Variants in LRP2 observed in about 807,000 individuals in gnomAD.
LRP2 encodes the protein LDL receptor related protein 2.
In LRP2, 172 loss-of-function variants were observed where a neutral mutation model predicts 531.0. The ratio of observed to expected loss-of-function variants is 0.32; its 90% CI spans 0.29 to 0.37. The LOEUF (loss-of-function observed/expected upper bound fraction) is 0.37, where lower values mean the gene tolerates loss of function less well. Among genes scored for constraint, LRP2 ranks in the 10% least tolerant of loss-of-function variants. The pLI is 1.00. For synonymous variants in LRP2, 1,992 were observed against 2,027.6 expected, an observed-to-expected ratio of 0.98 and a Z score of 0.47; for missense variants, 5,167 against 5,868.3, an observed-to-expected ratio of 0.88 and a Z score of 3.90.
intron 6 of LRP2, among the ~76,000 whole-genome samples, chr2:169,293,391 T>G (rs1050358332): frequency 6.6e-6 from 1 of 152,122 alleles, no homozygotes; most frequent in Non-Finnish European, 1.5e-5. Context: ...ACTGAAACTT[T>G]CAGGCTGGGC....
intron 53 of LRP2, among the ~76,000 whole-genome samples, chr2:169,177,420 T>TTATTTAG: frequency 6.6e-6 from 1 of 152,216 alleles, no homozygotes; most frequent in East Asian, 1.9e-4. Context: ...TCATATGCAT[T>TTATTTAG]TATTTAGTAT....
rs752055947 is a variant in LRP2, at chr2:169,174,120, G to A, written c.10813C>T (p.Arg3605Cys). The change falls in exon 56 of 79, where the codon CGT (arginine) becomes TGT (cysteine). Residue 3605 changes from arginine to cysteine, a missense_variant. Arg to Cys is a radical substitution (Grantham distance 180, BLOSUM62 -3). Around this residue, in one of 6 missense-constraint regions of LRP2, gnomAD observed 311 missense variants for 309.4 expected, o/e 1.01. Coordinates refer to ENST00000649046, the MANE Select transcript of LRP2 (RefSeq NM_004525.3). Reference sequence around the variant, plus strand: ...CACTGCCAGGATTCTGGGATGCAACGTTTGTTGGCGCACTGCCATTCATTG... The same window carrying A: ...CACTGCCAGGATTCTGGGATGCAACATTTGTTGGCGCACTGCCATTCATTG... ...DSNEWQCANKRCIPESWQCDT... is the reference protein window; with the variant it reads ...DSNEWQCANKCCIPESWQCDT... 6.8e-6 allele frequency: 11 copies of A among 1,614,214 alleles called. No homozygotes were observed. Among genetic ancestry groups the A allele is most frequent in the Admixed American group, 1.7e-5 (1 of 60,032 alleles).
chr2:169,158,417 A>G (rs2105364895), intron 63 of LRP2, among the ~76,000 whole-genome samples: 1 of 152,232 alleles, frequency 6.6e-6, no homozygotes, highest in East Asian at 1.9e-4. Context: ...AGTATAAAAA[A>G]ACTAAGACAT....
intron 1 of LRP2, among the ~76,000 whole-genome samples, chr2:169,334,433 T>A (rs535901738): frequency 3.8e-4 from 58 of 152,338 alleles, no homozygotes; most frequent in Middle Eastern, 3.4e-3. Flanking sequence ...AGTGGCCATC[T>A]CAATTCTGGG....
Position 169,145,888 on chromosome 2 carries a change from G to T in LRP2, c.12847C>A (p.Gln4283Lys). Residue 4283 changes from glutamine (Q) to lysine (K), a missense_variant, in exon 70 of 79, where the codon CAG becomes AAG. Around this residue, in one of 6 missense-constraint regions of LRP2, gnomAD observed 564 missense variants for 747.7 expected, o/e 0.75. Transcript: ENST00000649046. ...NPYSLDIFED[Q>K]LYWISKEKGE... Reference sequence around the variant, plus strand: ...TTTTCCTTAGATATCCAGTATAACTGGTCTTCAAAGATGTCCAGGCTGTAA... The same window carrying T: ...TTTTCCTTAGATATCCAGTATAACTTGTCTTCAAAGATGTCCAGGCTGTAA... The T allele has an allele frequency of 1.9e-6, 3 of 1,613,954 alleles. No homozygotes were observed. Among genetic ancestry groups the T allele is most frequent in the Non-Finnish European group, 2.5e-6 (3 of 1,179,970 alleles).
chr2:169,329,880 G>T (rs1403905929), intron 1 of LRP2, among the ~76,000 whole-genome samples: 1 of 152,224 alleles, frequency 6.6e-6, no homozygotes, highest in Non-Finnish European at 1.5e-5. Flanking sequence ...TAGGAACCAG[G>T]CTACACAGCA....
Position 169,213,642 on chromosome 2 carries a change from G to T in LRP2, c.6040+15C>A. The T allele has an allele frequency of 6.3e-7, 1 of 1,593,110 alleles. No individual in the cohort carries two copies. The highest frequency in any genetic ancestry group is 2.2e-4 in the Middle Eastern group (1 of 4,650). Reference sequence around the variant, plus strand: ...ATTATACACCCATGAATGTATTTCAGTGACAAATACTTACTGCGTCTGTGA... The same window carrying T: ...ATTATACACCCATGAATGTATTTCATTGACAAATACTTACTGCGTCTGTGA... On this transcript the variant is annotated intron_variant, in intron 36 of 78. Coordinates refer to ENST00000649046, the MANE Select transcript of LRP2 (RefSeq NM_004525.3).
Position 169,233,606 on chromosome 2 carries a change from A to C in LRP2, c.4921-18T>G, listed in dbSNP as rs773755754. 1 of 1,613,224 alleles carries C rather than the reference A, an allele frequency of 6.2e-7. No homozygotes were observed. The highest frequency in any genetic ancestry group is 2.2e-5 in the East Asian group (1 of 44,866). On this transcript the variant is annotated intron_variant, in intron 29 of 78. Coordinates refer to ENST00000649046, the MANE Select transcript of LRP2 (RefSeq NM_004525.3). ...CGTATAATCTGTGAGGCAGAAGAGA[A>C]CAGTGAGACCTCATCCAAAAATCAA...
At chr2:169,295,756 G>C (rs1684120504) in intron 4 of LRP2, among the ~76,000 whole-genome samples, 1 of 152,120 alleles carries the variant, frequency 6.6e-6, no homozygotes, top group Admixed American at 6.6e-5. Flanking sequence ...ATTTATCACA[G>C]GTGAACATTT....
intron 35 of LRP2, among the ~76,000 whole-genome samples, chr2:169,215,477 T>C (rs368146086): frequency 6.6e-6 from 1 of 152,016 alleles, no homozygotes; most frequent in Non-Finnish European, 1.5e-5. Context: ...AACCTTGGAG[T>C]TGAAAATCAC....
chr2:169,159,601 GTCTT>G (rs1449179669), intron 63 of LRP2, among the ~76,000 whole-genome samples: 5 of 152,096 alleles, frequency 3.3e-5, no homozygotes, highest in South Asian at 4.1e-4. Flanking sequence ...AGAGTTTTGT[GTCTT>G]TCTAAGAATT....
At chr2:169,205,688 C>CT in intron 40 of LRP2, 51 bp from the exon 41 acceptor site, 1 of 1,489,806 alleles carries the variant, frequency 6.7e-7, no homozygotes, top group Non-Finnish European at 9.2e-7. Flanking sequence ...CCTCATAGTC[C>CT]TTTAAAAAAA....
At chr2:169,172,229 T>C (rs1687033152) in intron 57 of LRP2, 95 bp from the exon 58 acceptor site, 1 of 1,436,378 alleles carries the variant, frequency 7.0e-7, no homozygotes, top group Non-Finnish European at 9.7e-7. Flanking sequence ...GAGAATTGTA[T>C]TAGCTCACTC....
chr2:169,361,330 G>GTCTCTCTCTC (rs1405262223), intron 1 of LRP2, among the ~76,000 whole-genome samples: 1 of 32,180 alleles, frequency 3.1e-5, no homozygotes, highest in African/African-American at 1.4e-4. Flanking sequence ...GTCTCTCTCT[G>GTCTCTCTCTC]TCTCTCTCTG....
At chr2:169,329,011 C>A (rs868852153) in intron 1 of LRP2, among the ~76,000 whole-genome samples, 1 of 152,192 alleles carries the variant, frequency 6.6e-6, no homozygotes, top group Non-Finnish European at 1.5e-5. Context: ...GGTAGTGGAG[C>A]ACAGATTTAC....
chr2:169,179,008 T>C (rs1486421977), intron 52 of LRP2, among the ~76,000 whole-genome samples: 1 of 151,574 alleles, frequency 6.6e-6, no homozygotes, highest in Non-Finnish European at 1.5e-5. Context: ...TTTATTTATT[T>C]ATTTATTTAT....
At chr2:169,217,727 T>C (rs1688850391) in intron 34 of LRP2, among the ~76,000 whole-genome samples, 1 of 152,184 alleles carries the variant, frequency 6.6e-6, no homozygotes, top group Admixed American at 6.6e-5. Flanking sequence ...CTTTATATCA[T>C]GTTCCGCATA....
chr2:169,221,539 C>CT (rs1271066978), intron 33 of LRP2, among the ~76,000 whole-genome samples: 1 of 152,204 alleles, frequency 6.6e-6, no homozygotes, highest in African/African-American at 2.4e-5. Context: ...CTAAGACAGT[C>CT]TAACAGACAA....
At chr2:169,347,538 C>G (rs1443757186) in intron 1 of LRP2, among the ~76,000 whole-genome samples, 3 of 150,536 alleles carry the variant, frequency 2.0e-5, no homozygotes, top group African/African-American at 7.4e-5. Flanking sequence ...AAATTGAACT[C>G]TCTGATTAGG....
Sources: gnomAD v4.1 joint callset for allele counts (sites outside exome capture counted in the v4.1 genomes callset) on GRCh38, gnomAD v4.1.1 for gene constraint, gnomAD v4.1.1 regional missense constraint, MANE v1.5 for transcripts, NCBI Gene and HGNC (gene_info 2026-07-23, HGNC 2026-07-21) for gene names.